RMND5A: variants seen among roughly 807,000 people sequenced by gnomAD.
The protein encoded by RMND5A is required for meiotic nuclear division 5 homolog A, also known as E3 ubiquitin-protein transferase RMND5A.
Under a neutral mutation model 49.7 loss-of-function variants are expected in RMND5A, and 17 were observed. The ratio of observed to expected loss-of-function variants is 0.34; its 90% CI spans 0.23 to 0.51. The LOEUF is 0.51. Among genes scored for constraint, RMND5A ranks in the 20% least tolerant of loss-of-function variants. The pLI is 0.96. For synonymous variants in RMND5A, 156 were observed against 167.7 expected, an observed-to-expected ratio of 0.93 and a Z score of 0.54; for missense variants, 255 against 471.3, an observed-to-expected ratio of 0.54 and a Z score of 4.25.
chr2:86,766,160 A>T (rs1290772267), intron 6 of RMND5A, 136 bp downstream of exon 6: 4 of 776,840 alleles, frequency 5.1e-6, no homozygotes, highest in African/African-American at 3.5e-5. Flanking sequence ...ATTTCAAAAG[A>T]TATCACAATT....
intron 1 of RMND5A, among the ~76,000 whole-genome samples, chr2:86,725,206 G>A (rs1368536995): frequency 7.9e-6 from 1 of 126,486 alleles, no homozygotes; most frequent in Non-Finnish European, 1.6e-5. Context: ...TTAATTTTTA[G>A]TAAGTCATAC....
Position 86,765,063 on chromosome 2 carries a change from A to G in RMND5A, c.558A>G (p.Gln186=), listed in dbSNP as rs764579870. The G allele has an allele frequency of 1.2e-6, 2 of 1,613,364 alleles. No homozygotes were observed. Among genetic ancestry groups the G allele is most frequent in the Non-Finnish European group, 1.7e-6 (2 of 1,179,748 alleles). The change falls in exon 5 of 9, where the codon CAA becomes CAG. Residue 186 remains glutamine, a synonymous_variant. Coordinates refer to ENST00000283632, the MANE Select transcript of RMND5A (RefSeq NM_022780.4). ...CAAACCGGGAAATGCTTATAGCTCA[A>G]AACAGCTCCTTGGAATTTAAGCTAC... is the stretch of plus-strand genomic sequence containing the variant. ...AVSNREMLIA[Q]NSSLEFKLHR...
chr2:86,761,849 G>A (rs114876964), intron 4 of RMND5A, among the ~76,000 whole-genome samples: 361 of 152,126 alleles, frequency 2.4e-3, no homozygotes, highest in African/African-American at 8.3e-3. Flanking sequence ...TTATTTCATA[G>A]CCTTGTTTAT....
At chr2:86,759,612 G>GCCCCC (rs144501224) in intron 4 of RMND5A, among the ~76,000 whole-genome samples, 91 of 146,178 alleles carry the variant, frequency 6.2e-4, no homozygotes, top group East Asian at 1.1e-3. Context: ...TAGTTTGCTT[G>GCCCCC]CCCCCCCGCC....
In RMND5A at chr2:86,765,048, A is replaced by G. The variant is rs1432230796; in HGVS notation, c.543A>G (p.Glu181=). 3 of 1,605,990 alleles carry G rather than the reference A, an allele frequency of 1.9e-6. No homozygotes were observed. In the South Asian group the frequency reaches 3.4e-5, roughly 18 times the overall value. ...TTAGGTGGGCAGTGTCAAACCGGGA[A>G]ATGCTTATAGCTCAAAACAGCTCCT... ...PALEWAVSNR[E]MLIAQNSSLE... Residue 181 remains glutamate (E), a synonymous_variant, in exon 5 of 9, where the codon GAA becomes GAG. Coordinates refer to ENST00000283632, the MANE Select transcript of RMND5A (RefSeq NM_022780.4).
chr2:86,771,432 T>A (rs1672683379), intron 7 of RMND5A, 126 bp from the exon 8 acceptor site: 1 of 711,674 alleles, frequency 1.4e-6, no homozygotes, highest in Non-Finnish European at 2.2e-6. Context: ...AGAAGAGTGC[T>A]ATAGAAAGTT....
chr2:86,750,043 T>A (rs1364205259), intron 2 of RMND5A, among the ~76,000 whole-genome samples: 1 of 152,256 alleles, frequency 6.6e-6, no homozygotes, highest in Non-Finnish European at 1.5e-5. Context: ...AAGCAGTGGT[T>A]GACTAGGATT....
At chr2:86,763,381 C>G (rs1336225833) in intron 4 of RMND5A, among the ~76,000 whole-genome samples, 1 of 152,128 alleles carries the variant, frequency 6.6e-6, no homozygotes, top group African/African-American at 2.4e-5. Flanking sequence ...CTACTTGGAA[C>G]TGGAAATCTG....
chr2:86,761,074 G>A (rs1415680595), intron 4 of RMND5A, among the ~76,000 whole-genome samples: 2 of 151,534 alleles, frequency 1.3e-5, no homozygotes, highest in Admixed American at 1.3e-4. Flanking sequence ...GTAATTACAA[G>A]GATATTGAAG....
At chr2:86,747,560 G>A (rs1681559020) in intron 2 of RMND5A, among the ~76,000 whole-genome samples, 1 of 152,156 alleles carries the variant, frequency 6.6e-6, no homozygotes, top group African/African-American at 2.4e-5. Context: ...CCTGGTAGGT[G>A]CAACAATAGC....
chr2:86,743,604 C>G (rs541905708), intron 2 of RMND5A, among the ~76,000 whole-genome samples: 7 of 151,910 alleles, frequency 4.6e-5, no homozygotes, highest in African/African-American at 1.7e-4. Context: ...AGTGCCCAGC[C>G]CAAAAAATTG....
Position 86,777,058 on chromosome 2 carries a change from T to C in RMND5A, c.*3647T>C, listed in dbSNP as rs1370285901. 1.3e-5 allele frequency: 2 copies of C among 152,230 alleles called. No homozygotes were observed. The highest frequency in any genetic ancestry group is 4.8e-5 in the African/African-American group (2 of 41,464). 9.4% of individuals were successfully genotyped at this position (152,230 alleles called of 1,614,324 possible). On this transcript the variant is annotated 3_prime_UTR_variant, in exon 9 of 9. Coordinates refer to ENST00000283632, the MANE Select transcript of RMND5A (RefSeq NM_022780.4). ...AAATAGAATGACAAATGTATTTTAA[T>C]AGCAGATGAGGCAGTTTTAGGATGA...
chr2:86,759,736 G>A (rs1681814668), intron 4 of RMND5A, among the ~76,000 whole-genome samples: 5 of 151,540 alleles, frequency 3.3e-5, no homozygotes, highest in Admixed American at 3.3e-4. Context: ...GGAGGCAGAG[G>A]TTGCAGTGAG....
chr2:86,766,661 CAAAAAAAAAAAA>C lies in RMND5A; in HGVS notation c.854+647_854+658del, dbSNP rs59511898. ...CCCGTGCAACAATGCGAGACTGTCTCAAAAAAAAAAAAAAAAAAAAAGAAAAGAAAAAAAGAA... is the reference window on the plus strand; with the variant it reads ...CCCGTGCAACAATGCGAGACTGTCTCAAAAAAAAAGAAAAGAAAAAAAGAA... On this transcript the variant is annotated intron_variant, in intron 6 of 8. Transcript: ENST00000283632. 8.6e-3 allele frequency among the ~76,000 whole-genome samples: 665 copies of C among 77,018 alleles called. 6 individuals are homozygous for C. Among genetic ancestry groups the C allele is most frequent in the African/African-American group, 0.034 (640 of 18,780 alleles). The allele number at this position is 77,018 out of a possible 152,430, so 50.5% of individuals were successfully genotyped here. A position where few individuals can be genotyped will look rare whatever the true frequency, so the allele number is the denominator to read the frequency against.
chr2:86,740,526 C>CT (rs1340260920), intron 1 of RMND5A, among the ~76,000 whole-genome samples: 1 of 92,888 alleles, frequency 1.1e-5, no homozygotes, highest in Non-Finnish European at 2.1e-5. Context: ...AGCATTTGCA[C>CT]TAAATCATCT....
In RMND5A at chr2:86,774,108, G is replaced by T. The variant is rs1455496806; in HGVS notation, c.*697G>T. ...TAGAGTGGAAGGAGTACTATTGTTT[G>T]GTTGGGTTTTTGTTTGTTTGTTTTT... On this transcript the variant is annotated 3_prime_UTR_variant, in exon 9 of 9. Transcript: ENST00000283632. 1 of 152,572 alleles carries T rather than the reference G, an allele frequency of 6.6e-6. No homozygotes were observed. The highest frequency in any genetic ancestry group is 1.5e-5 in the Non-Finnish European group (1 of 68,020). The allele number at this position is 152,572 out of a possible 1,614,324, so 9.5% of individuals were successfully genotyped here.
intron 2 of RMND5A, among the ~76,000 whole-genome samples, chr2:86,746,037 A>G (rs918623824): frequency 1.3e-5 from 2 of 152,190 alleles, no homozygotes; most frequent in African/African-American, 2.4e-5. Flanking sequence ...GGTGAGGCAA[A>G]ATGCTGACTG....
intron 2 of RMND5A, among the ~76,000 whole-genome samples, chr2:86,743,332 A>G (rs754624106): frequency 7.3e-5 from 11 of 151,338 alleles, no homozygotes; most frequent in African/African-American, 2.7e-4. Context: ...TCCTAATCAC[A>G]TATTTTAATT....
intron 4 of RMND5A, among the ~76,000 whole-genome samples, chr2:86,764,591 T>TAAAAAA (rs1672559488): frequency 6.6e-6 from 1 of 152,264 alleles, no homozygotes. Context: ...AATCACAAAG[T>TAAAAAA]GAACAAAATC....
Sources: allele counts gnomAD v4.1 joint callset (sites outside exome capture counted in the v4.1 genomes callset), GRCh38; gene constraint gnomAD v4.1.1; transcripts MANE v1.5; gene names NCBI Gene and HGNC (gene_info 2026-07-23, HGNC 2026-07-21).